RAD21: variants seen among roughly 807,000 people sequenced by gnomAD.
RAD21 encodes the protein RAD21 cohesin complex component, also known as double-strand-break repair protein rad21 homolog.
A neutral mutation model predicts 71.5 loss-of-function variants in RAD21; 18 were observed. That is an observed-to-expected ratio of 0.25 (90% CI 0.17 to 0.37). RAD21 has a LOEUF of 0.37. Ranked by LOEUF, RAD21 falls within the 10% of genes least tolerant of loss-of-function variation. The pLI is 1.00. For missense variants in RAD21, 493 were observed against 769.1 expected (o/e 0.64, Z 4.25); for synonymous variants, 248 against 254.0 (o/e 0.98, Z 0.22).
At chr8:116,852,350 G>T (rs1305535212) in intron 10 of RAD21, 199 bp downstream of exon 10, 6 of 668,750 alleles carry the variant, frequency 9.0e-6, no homozygotes, top group Non-Finnish European at 1.4e-5. Context: ...TATCTACCCT[G>T]CCAGTTCTGA....
chr8:116,852,695 CAG>C lies in RAD21; in HGVS notation c.1173_1174del (p.Cys392SerfsTer10). 6.4e-7 allele frequency: 1 copy of C among 1,565,842 alleles called. No homozygotes were observed. The highest frequency in any genetic ancestry group is 1.2e-5 in the South Asian group (1 of 81,510). On this transcript the variant is annotated frameshift_variant, in exon 10 of 14. Coordinates refer to ENST00000297338, the MANE Select transcript of RAD21 (RefSeq NM_006265.3). LOFTEE classifies it high-confidence loss of function. ...GTCTTCTGGTACAAGCGGTGTAAGACAGCGTGTAAAGAGCTATTAAAAAAAAA... is the reference window on the plus strand; with the variant it reads ...GTCTTCTGGTACAAGCGGTGTAAGACCGTGTAAAGAGCTATTAAAAAAAAA...
intron 12 of RAD21, 68 bp downstream of exon 12, chr8:116,850,550 C>T (rs1812327618): frequency 7.6e-6 from 12 of 1,570,238 alleles, no homozygotes; most frequent in Non-Finnish European, 1.0e-5. Flanking sequence ...AAGTTAGCCC[C>T]AATATGAAAA....
intron 9 of RAD21, among the ~76,000 whole-genome samples, 190 bp from the exon 10 acceptor site, chr8:116,852,898 A>G (rs1188036111): frequency 6.6e-6 from 1 of 152,154 alleles, no homozygotes; most frequent in Non-Finnish European, 1.5e-5. Context: ...ATAACTGCAG[A>G]CATTTTAGAT....
chr8:116,868,935 CA>C (rs1250524941), intron 1 of RAD21, among the ~76,000 whole-genome samples: 8 of 151,774 alleles, frequency 5.3e-5, no homozygotes, highest in Admixed American at 2.6e-4. Context: ...CGCACGCACA[CA>C]CCCCCCACAA....
intron 2 of RAD21, among the ~76,000 whole-genome samples, chr8:116,863,679 G>A (rs145065915): frequency 9.1e-4 from 138 of 152,200 alleles, no homozygotes; most frequent in African/African-American, 3.1e-3. Flanking sequence ...AGTAATAGGT[G>A]AAGTATGCCA....
chr8:116,868,543 T>C (rs1198655394), intron 1 of RAD21, among the ~76,000 whole-genome samples: 1 of 151,964 alleles, frequency 6.6e-6, no homozygotes, highest in East Asian at 1.9e-4. Flanking sequence ...TATTGTTAAG[T>C]ATATGTTTAG....
chr8:116,869,061 G>A (rs551013249), intron 1 of RAD21, among the ~76,000 whole-genome samples: 74 of 152,068 alleles, frequency 4.9e-4, no homozygotes, highest in African/African-American at 1.8e-3. Context: ...CCTAAAGCTT[G>A]GTAAAAATTT....
rs1277519285 is a variant in RAD21, at chr8:116,847,970, T to C, written c.1705-279A>G. Among the ~76,000 whole-genome samples, 3 of 152,290 alleles carry C rather than the reference T, an allele frequency of 2.0e-5. No homozygotes were observed. The East Asian group carries it at 5.8e-4, about 29-fold the overall frequency. On this transcript the variant is annotated intron_variant, in intron 13 of 13. Transcript: ENST00000297338. ...TAAAAGCGCCTAGCCATCTCTCTCA[T>C]GCCCTCTCTTGCCATGTGACACACC...
intron 5 of RAD21, among the ~76,000 whole-genome samples, chr8:116,857,945 C>T (rs527941998): frequency 2.0e-5 from 3 of 152,236 alleles, no homozygotes; most frequent in African/African-American, 4.8e-5. Flanking sequence ...TGAAGAGCCA[C>T]GGCACTCCAG....
chr8:116,852,686 G>A lies in RAD21; in HGVS notation c.1184C>T (p.Pro395Leu), dbSNP rs149171113. Residue 395 changes from proline (P) to leucine (L), a missense_variant, in exon 10 of 14, where the codon CCG (proline) becomes CTG (leucine). This residue lies in a region of RAD21 where 42 missense variants were observed against 117.2 expected (regional missense o/e 0.36). Coordinates refer to ENST00000297338, the MANE Select transcript of RAD21 (RefSeq NM_006265.3). ...LLKLFTRCLT[P>L]LVPEDLRKRR... Reference sequence around the variant, plus strand: ...TTTTCTAAGGTCTTCTGGTACAAGCGGTGTAAGACAGCGTGTAAAGAGCTA... The same window carrying A: ...TTTTCTAAGGTCTTCTGGTACAAGCAGTGTAAGACAGCGTGTAAAGAGCTA... 2.5e-6 allele frequency: 4 copies of A among 1,585,208 alleles called. No homozygotes were observed. The highest frequency in any genetic ancestry group is 1.8e-5 in the Admixed American group (1 of 55,638).
At position 116,847,121 on chromosome 8, in the gene RAD21, G is replaced by T; in HGVS notation, c.*379C>A. 4.2e-6 allele frequency: 1 copy of T among 239,470 alleles called. No individual in the cohort carries two copies. The highest frequency in any genetic ancestry group is 8.2e-6 in the Non-Finnish European group (1 of 122,662). 14.8% of individuals were successfully genotyped at this position (239,470 alleles called of 1,614,324 possible). The stretch of plus-strand genomic sequence containing the variant: ...TTACACCATAGTTTTAAATTAAACT[G>T]TCAGGCATTTTCTCAGACAGGTTTT... On this transcript the variant is annotated 3_prime_UTR_variant, in exon 14 of 14. Coordinates refer to ENST00000297338, the MANE Select transcript of RAD21 (RefSeq NM_006265.3).
intron 4 of RAD21, among the ~76,000 whole-genome samples, chr8:116,859,211 A>G (rs1459258023): frequency 6.6e-6 from 1 of 152,130 alleles, no homozygotes; most frequent in Non-Finnish European, 1.5e-5. Flanking sequence ...AGTTTCGCAG[A>G]TGCTGAGTTT....
rs1249844895 is a variant in RAD21 at position 116,846,380 on chromosome 8, A to AT, written c.*1119dup. Reference sequence around the variant, plus strand: ...AAAAAGTTAAGACATTCTGATAATCATAACAGTCACATGATTTCTGATGCT... The same window carrying AT: ...AAAAAGTTAAGACATTCTGATAATCATTAACAGTCACATGATTTCTGATGCT... On this transcript the variant is annotated 3_prime_UTR_variant, in exon 14 of 14. Coordinates refer to ENST00000297338, the MANE Select transcript of RAD21 (RefSeq NM_006265.3). 1.7e-5 allele frequency: 4 copies of AT among 229,448 alleles called. No individual in the cohort carries two copies. Among genetic ancestry groups the AT allele is most frequent in the South Asian group, 3.6e-4 (2 of 5,498 alleles). 14.2% of individuals were successfully genotyped at this position (229,448 alleles called of 1,614,324 possible). A position where few individuals can be genotyped will look rare whatever the true frequency, so the allele number is the denominator to read the frequency against.
intron 6 of RAD21, 52 bp from the exon 7 acceptor site, chr8:116,856,823 A>G: frequency 1.5e-6 from 2 of 1,340,496 alleles, no homozygotes; most frequent in Non-Finnish European, 2.0e-6. Flanking sequence ...ATGCCAAACC[A>G]CAACAGCCAA....
intron 2 of RAD21, among the ~76,000 whole-genome samples, chr8:116,864,425 T>C (rs1221085269): frequency 2.0e-5 from 3 of 152,172 alleles, no homozygotes; most frequent in Admixed American, 6.6e-5. Flanking sequence ...ACCCTACTTA[T>C]GACTCTCAGG....
intron 9 of RAD21, 34 bp downstream of exon 9, chr8:116,854,211 G>T: frequency 6.8e-7 from 1 of 1,473,068 alleles, no homozygotes; most frequent in Non-Finnish European, 9.4e-7. Context: ...TGCTCAAAAT[G>T]TATATGAAGT....
chr8:116,865,602 G>C (rs944313367), intron 2 of RAD21, among the ~76,000 whole-genome samples: 4 of 152,090 alleles, frequency 2.6e-5, no homozygotes, highest in Non-Finnish European at 4.4e-5. Flanking sequence ...AAACACTTAA[G>C]GGCGTGAACA....
At position 116,856,292 on chromosome 8, in the gene RAD21, TAAAAAAAAAAAAAAA is replaced by T; in HGVS notation, c.815-19_815-5del. The T allele has an allele frequency of 8.5e-7, 1 of 1,174,446 alleles. No individual in the cohort carries two copies. The highest frequency in any genetic ancestry group is 1.1e-6 in the Non-Finnish European group (1 of 952,172). 72.8% of individuals were successfully genotyped at this position (1,174,446 alleles called of 1,614,324 possible). A position where few individuals can be genotyped will look rare whatever the true frequency, so the allele number is the denominator to read the frequency against. ...TCAGGACTATCAGGCCCACCCACTG[TAAAAAAAAAAAAAAA>T]AAAAAAAAGTCACAAAAAGCTTTGG... On this transcript the variant is annotated splice_polypyrimidine_tract_variant and splice_region_variant and intron_variant, in intron 7 of 13. Coordinates refer to ENST00000297338, the MANE Select transcript of RAD21 (RefSeq NM_006265.3).
At chr8:116,869,152 C>G (rs892559662) in intron 1 of RAD21, among the ~76,000 whole-genome samples, 113 of 151,916 alleles carry the variant, frequency 7.4e-4, no homozygotes, top group African/African-American at 2.6e-3. Context: ...TTTTGCTCTA[C>G]GAAAGAAATG....
Sources: gnomAD v4.1 joint callset for allele counts (sites outside exome capture counted in the v4.1 genomes callset) on GRCh38, gnomAD v4.1.1 for gene constraint, gnomAD v4.1.1 regional missense constraint, MANE v1.5 for transcripts, NCBI Gene and HGNC (gene_info 2026-07-23, HGNC 2026-07-21) for gene names.